Variants in MMAB observed in about 807,000 individuals in gnomAD.
MMAB encodes metabolism of cobalamin associated B.
In MMAB, 17 loss-of-function variants were observed where a neutral mutation model predicts 30.6. That is an observed-to-expected ratio of 0.56 (90% confidence interval 0.38 to 0.83). The LOEUF (loss-of-function observed/expected upper bound fraction) is 0.83. Among genes scored for constraint, MMAB ranks in the 40% least tolerant of loss-of-function variants. The pLI is 0.00. For synonymous variants in MMAB, 134 were observed against 138.6 expected (o/e 0.97, Z 0.23); for missense variants, 311 against 331.6 (o/e 0.94, Z 0.48).
At chr12:109,567,066 A>G (rs2136206171) in intron 3 of MMAB, 1 of 455,886 alleles carries the variant, frequency 2.2e-6, no homozygotes, top group Non-Finnish European at 4.4e-6. Flanking sequence ...TGTTAAGAAT[A>G]GTAATAATGA....
At position 109,557,096 on chromosome 12, in the gene MMAB, TG is replaced by T; in HGVS notation, c.684del (p.Met229Ter). The T allele has an allele frequency of 6.2e-7, 1 of 1,613,908 alleles. No individual in the cohort carries two copies. Among genetic ancestry groups the T allele is most frequent in the Non-Finnish European group, 8.5e-7 (1 of 1,179,750 alleles). On this transcript the variant is annotated frameshift_variant, in exon 9 of 9. Coordinates refer to ENST00000545712, the MANE Select transcript of MMAB (RefSeq NM_052845.4). LOFTEE classifies it low-confidence loss of function (END_TRUNC). ...DYLFTLARYA[A>X]MKEGNQEKIY... ...ATTTTCTCTTGATTCCCCTCCTTCATGGCTGCATATCTGGCTAGCGTGAAGA... is the reference window on the plus strand; with the variant it reads ...ATTTTCTCTTGATTCCCCTCCTTCATGCTGCATATCTGGCTAGCGTGAAGA...
At position 109,565,112 on chromosome 12, in the gene MMAB, T is replaced by C. The variant is rs769138883; in HGVS notation, c.348+7A>G. 10 of 1,611,886 alleles carry C rather than the reference T, an allele frequency of 6.2e-6. No individual in the cohort carries two copies. The highest frequency in any genetic ancestry group is 7.6e-6 in the Non-Finnish European group (9 of 1,178,052). ...ATTCCCAGCTTGGGTGAGATGGTGT[T>C]ACTCACTTTCTGAAGCTCTTCGGCA... On this transcript the variant is annotated splice_region_variant and intron_variant, in intron 4 of 8. Coordinates refer to ENST00000545712, the MANE Select transcript of MMAB (RefSeq NM_052845.4).
Position 109,561,274 on chromosome 12 carries a change from G to A in MMAB, c.519+146C>T. 1 of 1,580,146 alleles carries A rather than the reference G, an allele frequency of 6.3e-7. No homozygotes were observed. The highest frequency in any genetic ancestry group is 8.5e-7 in the Non-Finnish European group (1 of 1,170,880). ...CGCTGCTCCAGAGTGGGCAGGGCTG[G>A]GAGGGACCGGTGAGGACCTGGAGGG... On this transcript the variant is annotated intron_variant, in intron 6 of 8. Coordinates refer to ENST00000545712, the MANE Select transcript of MMAB (RefSeq NM_052845.4). This position sits in a 1 kb window ranked among gnomAD's most constrained non-coding sequence, Gnocchi z 5.3.
intron 4 of MMAB, 63 bp downstream of exon 4, chr12:109,565,056 C>T (rs1364627177): frequency 1.3e-5 from 16 of 1,250,734 alleles, no homozygotes; most frequent in Non-Finnish European, 1.9e-5. Flanking sequence ...TGGCTGGATG[C>T]TGAGTCCCGT....
chr12:109,573,221 T>C (rs1158092557), intron 1 of MMAB, 126 bp downstream of exon 1: 1 of 1,334,688 alleles, frequency 7.5e-7, no homozygotes, highest in African/African-American at 1.4e-5. Flanking sequence ...CATGGTGACG[T>C]CAGAACAGCG....
chr12:109,553,978 G>C lies in MMAB; in HGVS notation c.*3050C>G, dbSNP rs927855447. On this transcript the variant is annotated 3_prime_UTR_variant, in exon 9 of 9. Transcript: ENST00000545712. The stretch of plus-strand genomic sequence containing the variant: ...CGATGAAAAACGCACATTAACGATA[G>C]CCATGAAATATTAGTTAAGGGAAAC... 1 of 453,980 alleles carries C rather than the reference G, an allele frequency of 2.2e-6. No homozygotes were observed. Among genetic ancestry groups the C allele is most frequent in the Non-Finnish European group, 4.4e-6 (1 of 226,798 alleles). 28.1% of individuals were successfully genotyped at this position (453,980 alleles called of 1,614,324 possible).
At position 109,556,739 on chromosome 12, in the gene MMAB, C is replaced by G. The variant is rs1883990002; in HGVS notation, c.*289G>C. ...TTATTCCTTTTCCGCACAGCTCCTT[C>G]TCATTGCAGCAATCACTTTACCTGT... On this transcript the variant is annotated 3_prime_UTR_variant, in exon 9 of 9. Coordinates refer to ENST00000545712, the MANE Select transcript of MMAB (RefSeq NM_052845.4). 1.9e-6 allele frequency: 1 copy of G among 540,208 alleles called. No homozygotes were observed. Among genetic ancestry groups the G allele is most frequent in the Non-Finnish European group, 3.5e-6 (1 of 283,014 alleles). 33.5% of individuals were successfully genotyped at this position (540,208 alleles called of 1,614,324 possible).
intron 3 of MMAB, among the ~76,000 whole-genome samples, chr12:109,567,661 G>A (rs751156384): frequency 2.0e-5 from 3 of 152,216 alleles, no homozygotes; most frequent in Admixed American, 6.5e-5. Context: ...AGACAGAGTC[G>A]TACTCTGTCA....
rs1884132117 is a variant in MMAB at position 109,559,909 on chromosome 12, A to G, written c.585-754T>C. 2.0e-5 allele frequency among the ~76,000 whole-genome samples: 3 copies of G among 152,178 alleles called. 1 individual carries two copies. The South Asian group carries it at 6.2e-4, about 31-fold the overall frequency. The stretch of plus-strand genomic sequence containing the variant: ...AGTGGGCACCGCATGCTCAGCGAGG[A>G]GCTTCCTCACCCGAGGTGCCCCAGG... On this transcript the variant is annotated intron_variant, in intron 7 of 8. Coordinates refer to ENST00000545712, the MANE Select transcript of MMAB (RefSeq NM_052845.4).
In MMAB at chr12:109,561,915, G is replaced by T; in HGVS notation, c.349-63C>A. On this transcript the variant is annotated intron_variant, in intron 4 of 8. Transcript: ENST00000545712. This position sits in a 1 kb window ranked among gnomAD's most constrained non-coding sequence, Gnocchi z 5.3. ...GAGATGGGCTGGACAGAGACAATGTGCAGAGGCGCCACCTAATACGCCGGC... is the reference window on the plus strand; with the variant it reads ...GAGATGGGCTGGACAGAGACAATGTTCAGAGGCGCCACCTAATACGCCGGC... The T allele has an allele frequency of 6.9e-7, 1 of 1,454,366 alleles. No individual in the cohort carries two copies. The highest frequency in any genetic ancestry group is 9.5e-7 in the Non-Finnish European group (1 of 1,056,408). The allele number at this position is 1,454,366 out of a possible 1,614,324, so 90.1% of individuals were successfully genotyped here. A position where few individuals can be genotyped will look rare whatever the true frequency, so the allele number is the denominator to read the frequency against.
At position 109,573,437 on chromosome 12, in the gene MMAB, C is replaced by A; in HGVS notation, c.44G>T (p.Arg15Leu). 6.2e-7 allele frequency: 1 copy of A among 1,607,124 alleles called. No homozygotes were observed. Among genetic ancestry groups the A allele is most frequent in the East Asian group, 2.2e-5 (1 of 44,746 alleles). Residue 15 changes from arginine to leucine, a missense_variant, in exon 1 of 9, where the codon CGT (arginine) becomes CTT (leucine). Arg to Leu is a moderately radical substitution (Grantham distance 102, BLOSUM62 -2). Coordinates refer to ENST00000545712, the MANE Select transcript of MMAB (RefSeq NM_052845.4). ...GLGSRLGLGS[R>L]LGLRGCFGAA... ...GCCGAAGCACCCGCGCAGGCCAAGA[C>A]GGCTCCCCAGGCCAAGACGGCTCCC... is the stretch of plus-strand genomic sequence containing the variant.
At chr12:109,573,200 G>C (rs1280803875) in intron 1 of MMAB, 147 bp downstream of exon 1, 1 of 1,044,530 alleles carries the variant, frequency 9.6e-7, no homozygotes, top group African/African-American at 1.6e-5. Context: ...CGCCCACGTG[G>C]CCCACGTTGC....
intron 4 of MMAB, among the ~76,000 whole-genome samples, chr12:109,562,395 A>C (rs1884245785): frequency 6.6e-6 from 1 of 152,372 alleles, no homozygotes; most frequent in Non-Finnish European, 1.5e-5. Context: ...GAACTGGCTG[A>C]CATTTGAAAG....
At chr12:109,565,279 T>G in intron 3 of MMAB, 103 bp from the exon 4 acceptor site, 1 of 834,036 alleles carries the variant, frequency 1.2e-6, no homozygotes. Flanking sequence ...TTAGTTAATT[T>G]AGCTATAATA....
intron 3 of MMAB, among the ~76,000 whole-genome samples, chr12:109,567,441 G>A (rs989215004): frequency 1.3e-4 from 20 of 152,104 alleles, no homozygotes; most frequent in African/African-American, 4.1e-4. Context: ...CCAGGGCCCC[G>A]GGGTCAGATT....
At position 109,554,721 on chromosome 12, in the gene MMAB, T is replaced by C. The variant is rs903726035; in HGVS notation, c.*2307A>G. On this transcript the variant is annotated 3_prime_UTR_variant, in exon 9 of 9. Transcript: ENST00000545712. ...AATATGGGAGGACATTTGCTCAGTG[T>C]ACAGAGGGGTACACATCTTTTCTTT... 2.0e-5 allele frequency: 9 copies of C among 454,150 alleles called. No individual in the cohort carries two copies. In the East Asian group the frequency reaches 5.6e-4, roughly 28 times the overall value. 28.1% of individuals were successfully genotyped at this position (454,150 alleles called of 1,614,324 possible).
Position 109,561,934 on chromosome 12 carries a change from C to T in MMAB, c.349-82G>A, listed in dbSNP as rs1032446542. The T allele has an allele frequency of 3.7e-5, 47 of 1,273,672 alleles. No individual in the cohort carries two copies. The highest frequency in any genetic ancestry group is 5.1e-5 in the South Asian group (4 of 78,656). The allele number at this position is 1,273,672 out of a possible 1,614,324, so 78.9% of individuals were successfully genotyped here. Reference sequence around the variant, plus strand: ...CAATGTGCAGAGGCGCCACCTAATACGCCGGCAAAGCCTGTGCCAGCTAGC... The same window carrying T: ...CAATGTGCAGAGGCGCCACCTAATATGCCGGCAAAGCCTGTGCCAGCTAGC... On this transcript the variant is annotated intron_variant, in intron 4 of 8. Coordinates refer to ENST00000545712, the MANE Select transcript of MMAB (RefSeq NM_052845.4). This position sits in a 1 kb window ranked among gnomAD's most constrained non-coding sequence, Gnocchi z 5.3.
At chr12:109,557,583 A>G (rs1884026036) in intron 8 of MMAB, among the ~76,000 whole-genome samples, 1 of 152,218 alleles carries the variant, frequency 6.6e-6, no homozygotes, top group African/African-American at 2.4e-5. Flanking sequence ...GGGGCTCTGC[A>G]GGTCTAGTTC....
At chr12:109,564,171 T>C (rs375120005) in intron 4 of MMAB, among the ~76,000 whole-genome samples, 11 of 152,214 alleles carry the variant, frequency 7.2e-5, no homozygotes, top group Admixed American at 3.3e-4. Flanking sequence ...GTCCCCTGCA[T>C]TGCAGGATAT....
Sources: gnomAD v4.1 joint callset for allele counts (sites outside exome capture counted in the v4.1 genomes callset) on GRCh38, gnomAD v4.1.1 for gene constraint, Gnocchi (gnomAD v3.1) non-coding constraint, MANE v1.5 for transcripts, NCBI Gene and HGNC (gene_info 2026-07-23, HGNC 2026-07-21) for gene names.